Variants in MEGF6 observed in about 807,000 individuals in gnomAD.
MEGF6 encodes multiple EGF like domains 6.
Under a neutral mutation model 207.1 loss-of-function variants are expected in MEGF6, and 184 were observed. The observed-to-expected ratio is 0.89, with a 90% CI of 0.79 to 1.00. The LOEUF is 1.00. MEGF6 is among the 50% of genes least tolerant of loss of function. The pLI, the probability that MEGF6 is intolerant of heterozygous loss-of-function variation, is 0.00. For missense variants in MEGF6, 2,282 were observed against 2,202.9 expected, an observed-to-expected ratio of 1.04 and a Z score of -0.72; for synonymous variants, 1,038 against 910.0, an observed-to-expected ratio of 1.14 and a Z score of -2.53.
chr1:3,599,656 C>T (rs896484958), intron 2 of MEGF6, among the ~76,000 whole-genome samples: 3 of 152,206 alleles, frequency 2.0e-5, no homozygotes, highest in Non-Finnish European at 2.9e-5. Flanking sequence ...AGTCGTGTGA[C>T]GGTGGAGGGC....
rs1641341768 is a variant in MEGF6, at chr1:3,511,473, T to C, written c.1114+77A>G. The C allele has an allele frequency of 1.0e-5, 15 of 1,502,268 alleles. No individual in the cohort carries two copies. In the Admixed American group the frequency reaches 2.7e-4, roughly 27 times the overall value. The allele number at this position is 1,502,268 out of a possible 1,614,324, so 93.1% of individuals were successfully genotyped here. On this transcript the variant is annotated intron_variant, in intron 9 of 36. Coordinates refer to ENST00000356575, the MANE Select transcript of MEGF6 (RefSeq NM_001409.4). ...TGACGAGGACCTCCAAGTCATGGCA[T>C]GGAACTGATCCCAGACCCAGGGCAG... is the stretch of plus-strand genomic sequence containing the variant.
intron 4 of MEGF6, among the ~76,000 whole-genome samples, chr1:3,577,124 A>T (rs1570174627): frequency 6.6e-6 from 1 of 152,090 alleles, no homozygotes; most frequent in East Asian, 1.9e-4. Flanking sequence ...GGCTCTGCAC[A>T]CCCAGCCTCC....
intron 4 of MEGF6, among the ~76,000 whole-genome samples, chr1:3,528,307 C>G (rs1460905978): frequency 6.6e-6 from 1 of 152,216 alleles, no homozygotes; most frequent in Non-Finnish European, 1.5e-5. Context: ...CCTCTCTGCC[C>G]CACTCCCAAG....
At chr1:3,513,121 C>A (rs182912540) in intron 7 of MEGF6, among the ~76,000 whole-genome samples, 10 of 152,316 alleles carry the variant, frequency 6.6e-5, no homozygotes, top group Admixed American at 6.5e-4. Context: ...CAGAAGCAGC[C>A]CATCCCATAC....
intron 21 of MEGF6, among the ~76,000 whole-genome samples, 183 bp downstream of exon 21, chr1:3,500,450 C>T (rs553294789): frequency 4.6e-5 from 7 of 152,256 alleles, no homozygotes; most frequent in Non-Finnish European, 8.8e-5. Context: ...AGCCGCAGTG[C>T]GCATGTGCGT....
chr1:3,590,102 G>A (rs189404295), intron 3 of MEGF6, among the ~76,000 whole-genome samples: 132 of 152,292 alleles, frequency 8.7e-4, no homozygotes, highest in African/African-American at 2.9e-3. Context: ...AGCACAGCCC[G>A]TATGAGGAGT....
At chr1:3,615,666 C>T (rs187070532), upstream of MEGF6, among the ~76,000 whole-genome samples, 2 of 152,364 alleles carry the variant, frequency 1.3e-5, no homozygotes, top group African/African-American at 2.4e-5. Context: ...TGCCCGCACC[C>T]GGGCCTGCAA....
At position 3,568,592 on chromosome 1, in the gene MEGF6, G is replaced by A. The variant is rs117913521; in HGVS notation, c.481+11233C>T. On this transcript the variant is annotated intron_variant, in intron 4 of 36. Coordinates refer to ENST00000356575, the MANE Select transcript of MEGF6 (RefSeq NM_001409.4). ...AGGCTAAGAGCCCCCCAAATGCAAG[G>A]ACACCCACAAACCATCCCCTGCCTG... Among the ~76,000 whole-genome samples, 157 of 152,170 alleles carry A rather than the reference G, an allele frequency of 1.0e-3. 1 individual carries two copies. The East Asian group carries it at 0.021, about 21-fold the overall frequency.
At chr1:3,603,227 C>T (rs56328010) in intron 1 of MEGF6, among the ~76,000 whole-genome samples, 3 of 152,200 alleles carry the variant, frequency 2.0e-5, no homozygotes, top group Non-Finnish European at 4.4e-5. Context: ...AGGGGGCATG[C>T]CAGGGACAGG....
At chr1:3,617,050 CT>C in the MEGF6 span, among the ~76,000 whole-genome samples, 1 of 151,856 alleles carries the variant, frequency 6.6e-6, no homozygotes, top group Non-Finnish European at 1.5e-5. Context: ...AGGCTTCCCC[CT>C]CTACACCCTG....
chr1:3,502,048 C>CTGTG lies in MEGF6; in HGVS notation c.2189-128_2189-127insCACA, dbSNP rs1557724548. 2.7e-4 allele frequency: 321 copies of CTGTG among 1,190,412 alleles called. 10 individuals are homozygous for CTGTG. The African/African-American group carries it at 7.6e-3, about 28-fold the overall frequency. 73.7% of individuals were successfully genotyped at this position (1,190,412 alleles called of 1,614,324 possible). A position where few individuals can be genotyped will look rare whatever the true frequency, so the allele number is the denominator to read the frequency against. ...CATGGGCTCCTGGCGAGTGTGCCCC[C>CTGTG]CCGGCGCCTCCTCACATGGGCTCCT... is the stretch of plus-strand genomic sequence containing the variant. On this transcript the variant is annotated intron_variant, in intron 17 of 36. Transcript: ENST00000356575.
chr1:3,520,983 T>C (rs1342629494), intron 5 of MEGF6, among the ~76,000 whole-genome samples: 1 of 152,138 alleles, frequency 6.6e-6, no homozygotes, highest in Admixed American at 6.5e-5. Context: ...GGTGGATTTT[T>C]AGGCAGCTTC....
At chr1:3,498,884 C>T (rs900382762) in intron 24 of MEGF6, 58 bp from the exon 25 acceptor site, 15 of 1,533,872 alleles carry the variant, frequency 9.8e-6, no homozygotes, top group Non-Finnish European at 1.1e-5. Flanking sequence ...CCCACAGGGT[C>T]TGTCTGGCTT....
chr1:3,507,950 G>A, intron 13 of MEGF6, 27 bp from the exon 14 acceptor site: 1 of 1,602,744 alleles, frequency 6.2e-7, no homozygotes, highest in African/African-American at 1.3e-5. Context: ...GGAAGCGTCA[G>A]GGTCACCAGC....
intron 7 of MEGF6, among the ~76,000 whole-genome samples, chr1:3,513,979 T>C (rs1641445412): frequency 6.6e-6 from 1 of 150,614 alleles, no homozygotes; most frequent in South Asian, 2.2e-4. Context: ...CCAGGTGCAG[T>C]GGCTCACGCC....
chr1:3,602,641 C>A (rs1182026087), intron 1 of MEGF6, 41 bp from the exon 2 acceptor site: 4 of 1,569,960 alleles, frequency 2.5e-6, no homozygotes, highest in East Asian at 4.5e-5. Flanking sequence ...CGGCCACCCC[C>A]AGCCGGCAAC....
rs115776923 is a variant in MEGF6, at chr1:3,594,500, G to A, written c.376+838C>T. Among the ~76,000 whole-genome samples, 2,063 of 152,284 alleles carry A rather than the reference G, an allele frequency of 0.014. 34 individuals carry two copies. The highest frequency in any genetic ancestry group is 0.039 in the African/African-American group (1,614 of 41,550). On this transcript the variant is annotated intron_variant, in intron 3 of 36. Coordinates refer to ENST00000356575, the MANE Select transcript of MEGF6 (RefSeq NM_001409.4). This position sits in a 1 kb window ranked among gnomAD's most constrained non-coding sequence, Gnocchi z 4.2. The stretch of plus-strand genomic sequence containing the variant: ...GTGACTCCCGGCCACACTCCACGGC[G>A]CAGCCTGTCCCTCACTGGCAGGATG...
chr1:3,565,898 G>T lies in MEGF6; in HGVS notation c.481+13927C>A, dbSNP rs1570149753. ...CCAGCGGCACAGGGACTCTCATGGGGTGCAGTGGGGATCCAGCTTCCTCCT... is the reference window on the plus strand; with the variant it reads ...CCAGCGGCACAGGGACTCTCATGGGTTGCAGTGGGGATCCAGCTTCCTCCT... On this transcript the variant is annotated intron_variant, in intron 4 of 36. Transcript: ENST00000356575. The surrounding 1 kb of genome is among the most constrained non-coding windows in gnomAD (Gnocchi z 4.8). 6.6e-6 allele frequency among the ~76,000 whole-genome samples: 1 copy of T among 152,172 alleles called. No homozygotes were observed. The highest frequency in any genetic ancestry group is 6.5e-5 in the Admixed American group (1 of 15,286).
rs182731475 is a variant in MEGF6 at position 3,488,628 on chromosome 1, C to T, written c.*1900G>A. On this transcript the variant is annotated 3_prime_UTR_variant, in exon 37 of 37. Transcript: ENST00000356575. Reference sequence around the variant, plus strand: ...ACTTTGCATGCCTTTGATAGTTTAGCTGGATGTAAAATTCAGCCTTCAAAT... The same window carrying T: ...ACTTTGCATGCCTTTGATAGTTTAGTTGGATGTAAAATTCAGCCTTCAAAT... Among the ~76,000 whole-genome samples, 7 of 152,254 alleles carry T rather than the reference C, an allele frequency of 4.6e-5. No individual in the cohort carries two copies. The highest frequency in any genetic ancestry group is 1.0e-4 in the Non-Finnish European group (7 of 68,052).
Sources: allele counts gnomAD v4.1 joint callset (sites outside exome capture counted in the v4.1 genomes callset), GRCh38; gene constraint gnomAD v4.1.1; non-coding constraint Gnocchi (gnomAD v3.1); transcripts MANE v1.5; gene names NCBI Gene and HGNC (gene_info 2026-07-23, HGNC 2026-07-21).